The following VAT1L variants were observed in gnomAD, a reference collection of about 807,000 sequenced individuals.
VAT1L encodes putative NADPH-dependent quinone oxidoreductase VAT1L.
A neutral mutation model predicts 44.1 loss-of-function variants in VAT1L; 34 were observed. The observed-to-expected ratio is 0.77, with a 90% confidence interval of 0.59 to 1.03. The LOEUF is 1.03. VAT1L is among the 50% of genes least tolerant of loss of function. The probability of loss-of-function intolerance (pLI) is 0.00; values close to 1 mark genes in which losing one functional copy is unlikely to be tolerated. For synonymous variants in VAT1L, 253 were observed against 202.2 expected (o/e 1.25, Z -2.13); for missense variants, 615 against 538.8 (o/e 1.14, Z -1.40).
intron 1 of VAT1L, among the ~76,000 whole-genome samples, chr16:77,793,491 T>C (rs1231059546): frequency 3.3e-5 from 5 of 152,192 alleles, no homozygotes. Flanking sequence ...TTTGCTGCTA[T>C]CAGTCTTGTC....
chr16:77,844,483 C>A (rs111544137), intron 3 of VAT1L, among the ~76,000 whole-genome samples: 10 of 152,050 alleles, frequency 6.6e-5, no homozygotes, highest in Admixed American at 3.9e-4. Context: ...ATCTCAGCTC[C>A]CTGCAACCTC....
intron 3 of VAT1L, among the ~76,000 whole-genome samples, chr16:77,839,041 G>A (rs1188867650): frequency 2.6e-5 from 4 of 152,078 alleles, no homozygotes; most frequent in African/African-American, 7.2e-5. Context: ...ACAAAGAGGC[G>A]CATTAGTCAT....
intron 7 of VAT1L, among the ~76,000 whole-genome samples, chr16:77,909,654 A>C (rs905473017): frequency 6.6e-6 from 1 of 151,860 alleles, no homozygotes; most frequent in Non-Finnish European, 1.5e-5. Context: ...AAAAAAAAAA[A>C]AAAGACTTCT....
intron 7 of VAT1L, among the ~76,000 whole-genome samples, chr16:77,931,505 G>A (rs1344746724): frequency 2.6e-5 from 4 of 152,108 alleles, no homozygotes; most frequent in Non-Finnish European, 5.9e-5. Context: ...AGGGTTCTGT[G>A]GTGAAATACT....
chr16:77,940,489 A>G (rs1026577453), intron 7 of VAT1L, among the ~76,000 whole-genome samples: 1 of 151,820 alleles, frequency 6.6e-6, no homozygotes, highest in African/African-American at 2.4e-5. Flanking sequence ...GATTACAGGC[A>G]CGTGCTACCA....
In VAT1L at chr16:77,821,356, A is replaced by T. The variant is rs572760919; in HGVS notation, c.364-3890A>T. Among the ~76,000 whole-genome samples, 10 of 148,774 alleles carry T rather than the reference A, an allele frequency of 6.7e-5. No homozygotes were observed. The South Asian group carries it at 2.1e-3, about 31-fold the overall frequency. ...CACTCTGTTGCCCAGGCTGAAGTGC[A>T]CTGGCATGATCTCAGCTCACCACAA... is the stretch of plus-strand genomic sequence containing the variant. On this transcript the variant is annotated intron_variant, in intron 2 of 8. Coordinates refer to ENST00000302536, the MANE Select transcript of VAT1L (RefSeq NM_020927.3).
chr16:77,819,892 C>A (rs2016422201), intron 2 of VAT1L, among the ~76,000 whole-genome samples: 2 of 152,314 alleles, frequency 1.3e-5, no homozygotes, highest in South Asian at 4.1e-4. Context: ...TCTTTTAGAG[C>A]AAACATGTAT....
Position 77,788,821 on chromosome 16 carries a change from C to G in VAT1L, c.139C>G (p.Leu47Val). 6.3e-7 allele frequency: 1 copy of G among 1,578,512 alleles called. No individual in the cohort carries two copies. The highest frequency in any genetic ancestry group is 1.2e-5 in the South Asian group (1 of 85,802). ...CGCCCAGGAGATGCGCGCGGTGGTGCTGGCTGGCTTCGGGGGGCTCAACAA... is the reference window on the plus strand; with the variant it reads ...CGCCCAGGAGATGCGCGCGGTGGTGGTGGCTGGCTTCGGGGGGCTCAACAA... ...GDAQEMRAVV[L>V]AGFGGLNKLR... The change falls in exon 1 of 9, where the codon CTG (leucine) becomes GTG (valine). Residue 47 changes from leucine (L) to valine (V), a missense_variant. Transcript: ENST00000302536.
intron 7 of VAT1L, among the ~76,000 whole-genome samples, chr16:77,961,786 C>A (rs886081043): frequency 2.0e-5 from 3 of 152,194 alleles, no homozygotes; most frequent in African/African-American, 7.2e-5. Context: ...TCTGACCTTA[C>A]TCCCAGCTCC....
At position 77,954,722 on chromosome 16, in the gene VAT1L, C is replaced by T. The variant is rs1399197229; in HGVS notation, c.1078-17128C>T. On this transcript the variant is annotated intron_variant, in intron 7 of 8. Coordinates refer to ENST00000302536, the MANE Select transcript of VAT1L (RefSeq NM_020927.3). ...CTTTCTTGTTCTTTGCATGAGTCAC[C>T]CAAGCACGATGCCTTCTCACAGTAG... Among the ~76,000 whole-genome samples the T allele has an allele frequency of 2.0e-5, 3 of 152,136 alleles. No homozygotes were observed. In the East Asian group the frequency reaches 5.8e-4, roughly 29 times the overall value.
intron 3 of VAT1L, among the ~76,000 whole-genome samples, chr16:77,836,601 C>T (rs1449423090): frequency 6.6e-6 from 1 of 152,118 alleles, no homozygotes; most frequent in South Asian, 2.1e-4. Context: ...ACGAGGGCCC[C>T]GCCTCCTTGC....
At chr16:77,842,312 C>A (rs576921490) in intron 3 of VAT1L, among the ~76,000 whole-genome samples, 6 of 152,164 alleles carry the variant, frequency 3.9e-5, no homozygotes, top group Non-Finnish European at 7.4e-5. Context: ...AGATGGGTGC[C>A]CACTCAGTGT....
intron 8 of VAT1L, among the ~76,000 whole-genome samples, chr16:77,972,769 G>A (rs1046758659): frequency 1.3e-5 from 2 of 150,468 alleles, no homozygotes; most frequent in African/African-American, 4.9e-5. Context: ...GGACTAGAAT[G>A]AGACTGTCTC....
chr16:77,908,567 C>T (rs1215787687), intron 7 of VAT1L, among the ~76,000 whole-genome samples: 1 of 150,832 alleles, frequency 6.6e-6, no homozygotes, highest in Non-Finnish European at 1.5e-5. Flanking sequence ...CTTCCCGAAG[C>T]TGCAGAAGAA....
At chr16:77,969,850 A>G (rs2018260045) in intron 7 of VAT1L, among the ~76,000 whole-genome samples, 8 of 152,080 alleles carry the variant, frequency 5.3e-5, no homozygotes, top group Non-Finnish European at 1.2e-4. Context: ...AGCTCACTAC[A>G]AAAATAAAAG....
chr16:77,919,965 T>C (rs2017594289), intron 7 of VAT1L, among the ~76,000 whole-genome samples: 1 of 152,080 alleles, frequency 6.6e-6, no homozygotes, highest in Non-Finnish European at 1.5e-5. Flanking sequence ...GTGCCTGTAA[T>C]CCCAGCCTCT....
chr16:77,905,713 T>G (rs928395142), intron 7 of VAT1L, among the ~76,000 whole-genome samples: 1 of 152,206 alleles, frequency 6.6e-6, no homozygotes, highest in Admixed American at 6.5e-5. Flanking sequence ...TTATTTGCTT[T>G]GCAAATATGA....
chr16:77,937,624 A>T (rs945662510), intron 7 of VAT1L, among the ~76,000 whole-genome samples: 2 of 152,244 alleles, frequency 1.3e-5, no homozygotes, highest in African/African-American at 2.4e-5. Flanking sequence ...TAAAGTGGTG[A>T]TGCTTGTCTG....
chr16:77,870,929 T>G (rs1489891650), intron 4 of VAT1L, among the ~76,000 whole-genome samples: 2 of 152,118 alleles, frequency 1.3e-5, no homozygotes, highest in Non-Finnish European at 2.9e-5. Context: ...TCAGTGTGGG[T>G]GTAACTGAGG....
Sources: gnomAD v4.1 joint callset for allele counts (sites outside exome capture counted in the v4.1 genomes callset) on GRCh38, gnomAD v4.1.1 for gene constraint, MANE v1.5 for transcripts, NCBI Gene and HGNC (gene_info 2026-07-23, HGNC 2026-07-21) for gene names.